CHPT1: variants seen among roughly 807,000 people sequenced by gnomAD.
CHPT1 encodes cholinephosphotransferase 1.
A neutral mutation model predicts 47.6 loss-of-function variants in CHPT1; 36 were observed. That is an observed-to-expected ratio of 0.76 (90% CI 0.58 to 1.00). The LOEUF (loss-of-function observed/expected upper bound fraction) is 1.00, where lower values mean the gene tolerates loss of function less well. Among genes scored for constraint, CHPT1 ranks in the 50% least tolerant of loss-of-function variants. CHPT1 has a pLI of 0.00. For synonymous variants in CHPT1, 194 were observed against 186.3 expected (o/e 1.04, Z -0.33); for missense variants, 458 against 498.1 (o/e 0.92, Z 0.77).
chr12:101,727,552 G>A (rs1294989715), intron 8 of CHPT1: 1 of 150,574 alleles, frequency 6.6e-6, no homozygotes, highest in Non-Finnish European at 1.5e-5. Flanking sequence ...CAAGAAAAAG[G>A]TATATTGAAG....
intron 3 of CHPT1, among the ~76,000 whole-genome samples, chr12:101,715,859 A>T (rs528242936): frequency 6.6e-6 from 1 of 152,316 alleles, no homozygotes. Context: ...CATGGAATAG[A>T]TAAAAACACA....
chr12:101,699,128 G>T (rs1951512181), intron 1 of CHPT1, among the ~76,000 whole-genome samples: 1 of 152,166 alleles, frequency 6.6e-6, no homozygotes, highest in African/African-American at 2.4e-5. Flanking sequence ...TGTCACCCAG[G>T]CTGGAGTGCC....
intron 5 of CHPT1, among the ~76,000 whole-genome samples, chr12:101,722,501 A>G (rs1951865810): frequency 6.6e-6 from 1 of 152,064 alleles, no homozygotes; most frequent in Non-Finnish European, 1.5e-5. Context: ...ATTTTACATA[A>G]AAGAACATTT....
At position 101,705,750 on chromosome 12, in the gene CHPT1, T is replaced by C. The variant is rs547862966; in HGVS notation, c.273+7616T>C. ...GCATGTATTCTTCCCATTGCTTTTT[T>C]GTTTTGTTTGTTTGTTTGTTTGTTT... is the stretch of plus-strand genomic sequence containing the variant. On this transcript the variant is annotated intron_variant, in intron 1 of 8. Coordinates refer to ENST00000229266, the MANE Select transcript of CHPT1 (RefSeq NM_020244.3). Among the ~76,000 whole-genome samples, 945 of 134,328 alleles carry C rather than the reference T, an allele frequency of 7.0e-3. 7 individuals are homozygous for C. The highest frequency in any genetic ancestry group is 0.018 in the Middle Eastern group (5 of 276). The allele number at this position is 134,328 out of a possible 152,430, so 88.1% of individuals were successfully genotyped here.
Position 101,697,783 on chromosome 12 carries a change from C to T in CHPT1, c.-79C>T. ...GGCAGTCGCAGGACCCGGCCGCCAG[C>T]CTCTCCCTCCACCTCTCCCTGCCCC... On this transcript the variant is annotated 5_prime_UTR_variant, in exon 1 of 9. Coordinates refer to ENST00000229266, the MANE Select transcript of CHPT1 (RefSeq NM_020244.3). 2.2e-6 allele frequency: 1 copy of T among 464,066 alleles called. No homozygotes were observed. The highest frequency in any genetic ancestry group is 2.9e-6 in the Non-Finnish European group (1 of 346,644). 28.7% of individuals were successfully genotyped at this position (464,066 alleles called of 1,614,324 possible).
intron 8 of CHPT1, chr12:101,727,155 T>TAA (rs1814743278): frequency 6.6e-6 from 1 of 151,432 alleles, no homozygotes; most frequent in Non-Finnish European, 1.5e-5. Context: ...AAACAGTAGC[T>TAA]AAGAGTCAGT....
intron 1 of CHPT1, among the ~76,000 whole-genome samples, chr12:101,706,775 CTT>C (rs965794902): frequency 1.3e-5 from 2 of 152,154 alleles, no homozygotes; most frequent in African/African-American, 4.8e-5. Context: ...CAATTAATGA[CTT>C]ATGTGGAATT....
chr12:101,697,974 G>A lies in CHPT1; in HGVS notation c.113G>A (p.Gly38Asp). The change falls in exon 1 of 9, where the codon GGC (glycine) becomes GAC (aspartate). Residue 38 changes from glycine to aspartate, a missense_variant. Coordinates refer to ENST00000229266, the MANE Select transcript of CHPT1 (RefSeq NM_020244.3). ...GAGGAGCACCGCTACAGCGCGGCGG[G>A]CGTCTCGCTGCTCGAGCCGCCGCTG... ...RLEEHRYSAA[G>D]VSLLEPPLQL... 1 of 1,512,818 alleles carries A rather than the reference G, an allele frequency of 6.6e-7. No individual in the cohort carries two copies. Among genetic ancestry groups the A allele is most frequent in the Non-Finnish European group, 8.8e-7 (1 of 1,141,412 alleles). 93.7% of individuals were successfully genotyped at this position (1,512,818 alleles called of 1,614,324 possible).
intron 8 of CHPT1, 55 bp from the exon 9 acceptor site, chr12:101,728,846 T>A: frequency 6.3e-7 from 1 of 1,594,856 alleles, no homozygotes; most frequent in Non-Finnish European, 8.6e-7. Flanking sequence ...TAAACTATTC[T>A]AAAGACTTAC....
chr12:101,723,391 T>C, intron 6 of CHPT1, 65 bp downstream of exon 6: 1 of 1,006,198 alleles, frequency 9.9e-7, no homozygotes, highest in Non-Finnish European at 1.4e-6. Context: ...AAGCTGGAAA[T>C]TATTTCATAA....
chr12:101,708,356 G>C (rs11834099), intron 1 of CHPT1, among the ~76,000 whole-genome samples: 1,924 of 151,092 alleles, frequency 0.013, 42 homozygotes, highest in African/African-American at 0.044. Context: ...TAATGACAAG[G>C]GGTTATGATT....
chr12:101,698,434 G>A (rs1366181687), intron 1 of CHPT1, among the ~76,000 whole-genome samples: 1 of 152,212 alleles, frequency 6.6e-6, no homozygotes, highest in East Asian at 1.9e-4. Context: ...GAGGGCGCCT[G>A]CCCAGCCGCT....
chr12:101,724,218 CAAAA>C (rs36006364), intron 7 of CHPT1, among the ~76,000 whole-genome samples: 2 of 77,174 alleles, frequency 2.6e-5, no homozygotes, highest in African/African-American at 5.2e-5. Context: ...GACTGTGTCT[CAAAA>C]AAAAAAAAAA....
chr12:101,713,151 T>C (rs925651528), intron 1 of CHPT1, among the ~76,000 whole-genome samples: 6 of 148,618 alleles, frequency 4.0e-5, no homozygotes, highest in Non-Finnish European at 9.0e-5. Context: ...AGTACACTTC[T>C]GAGAACTTTA....
In CHPT1 at chr12:101,716,765, G is replaced by T; in HGVS notation, c.601G>T (p.Val201Phe). ...VTEIQIALVI[V>F]FVLSAFGGAT... Reference sequence around the variant, plus strand: ...TGAAATTCAGATAGCTTTAGTGATTGTCTTTGTGTTGTCTGCATTTGGAGG... The same window carrying T: ...TGAAATTCAGATAGCTTTAGTGATTTTCTTTGTGTTGTCTGCATTTGGAGG... The change falls in exon 4 of 9, where the codon GTC (valine) becomes TTC (phenylalanine). Residue 201 changes from valine (V) to phenylalanine (F), a missense_variant. Val to Phe is a conservative substitution (Grantham distance 50). Transcript: ENST00000229266. 1 of 1,608,744 alleles carries T rather than the reference G, an allele frequency of 6.2e-7. No homozygotes were observed. The highest frequency in any genetic ancestry group is 8.5e-7 in the Non-Finnish European group (1 of 1,177,704).
At position 101,726,402 on chromosome 12, in the gene CHPT1, C is replaced by G. The variant is rs1311290125; in HGVS notation, c.1174C>G (p.Gln392Glu). The G allele has an allele frequency of 1.2e-6, 2 of 1,612,096 alleles. No individual in the cohort carries two copies. Among genetic ancestry groups the G allele is most frequent in the African/African-American group, 2.7e-5 (2 of 74,778 alleles). ...GACTGCATGTCATCAAGCACCTGAA[C>G]AGGTTCACAAGCATATTGACTGACT... ...FKTACHQAPE[Q>E]VQVLSSKSHQ... is the part of the protein sequence containing the mutation. Residue 392 changes from glutamine to glutamate, a missense_variant and splice_region_variant, in exon 8 of 9, where the codon CAG becomes GAG. By Grantham distance (29) the Gln-to-Glu change is conservative. Transcript: ENST00000229266.
In CHPT1 at chr12:101,723,152, C is replaced by G; in HGVS notation, c.781-16C>G. 1 of 1,604,994 alleles carries G rather than the reference C, an allele frequency of 6.2e-7. No individual in the cohort carries two copies. The highest frequency in any genetic ancestry group is 8.5e-7 in the Non-Finnish European group (1 of 1,173,996). On this transcript the variant is annotated splice_polypyrimidine_tract_variant and intron_variant, in intron 5 of 8. Transcript: ENST00000229266. ...AGTGTTAAAATGTGATACTGATTTT[C>G]TGCTTTATCCCTTAGGGCACCAGTG... is the stretch of plus-strand genomic sequence containing the variant.
At position 101,711,230 on chromosome 12, in the gene CHPT1, A is replaced by C. The variant is rs548807339; in HGVS notation, c.274-2860A>C. The stretch of plus-strand genomic sequence containing the variant: ...ATCATCGCCGTAAAAAGATACTTGC[A>C]CTCCCATGATCATTGTAGCATTATT... On this transcript the variant is annotated intron_variant, in intron 1 of 8. Transcript: ENST00000229266. Among the ~76,000 whole-genome samples the C allele has an allele frequency of 3.6e-4, 54 of 148,722 alleles. 1 individual carries two copies. Among genetic ancestry groups the C allele is most frequent in the African/African-American group, 1.3e-3 (53 of 41,186 alleles).
At chr12:101,702,061 A>G (rs1372260205) in intron 1 of CHPT1, among the ~76,000 whole-genome samples, 2 of 152,116 alleles carry the variant, frequency 1.3e-5, no homozygotes, top group East Asian at 3.9e-4. Flanking sequence ...TTGGCTACCT[A>G]ATCTTAAAAT....
Sources: gnomAD v4.1 joint callset for allele counts (sites outside exome capture counted in the v4.1 genomes callset) on GRCh38, gnomAD v4.1.1 for gene constraint, MANE v1.5 for transcripts, NCBI Gene and HGNC (gene_info 2026-07-23, HGNC 2026-07-21) for gene names.